TLK2: variants seen among roughly 807,000 people sequenced by gnomAD.
TLK2 encodes the protein serine/threonine-protein kinase tousled-like 2.
Under a neutral mutation model 117.3 loss-of-function variants are expected in TLK2, and 6 were observed. The observed-to-expected ratio is 0.05, with a 90% CI of 0.03 to 0.10. The LOEUF (loss-of-function observed/expected upper bound fraction) is 0.10, where lower values mean the gene tolerates loss of function less well. Ranked by LOEUF, TLK2 falls within the 10% of genes least tolerant of loss-of-function variation. TLK2 has a pLI of 1.00. For missense variants in TLK2, 299 were observed against 901.2 expected (o/e 0.33, Z 8.56); for synonymous variants, 257 against 316.7 (o/e 0.81, Z 2.00).
intron 16 of TLK2, among the ~76,000 whole-genome samples, chr17:62,592,016 G>A (rs944057835): frequency 6.6e-6 from 1 of 150,856 alleles, no homozygotes; most frequent in Non-Finnish European, 1.5e-5. Context: ...GTGCAATGGC[G>A]CAATCTCAGC....
chr17:62,584,226 C>A (rs1440971861), intron 15 of TLK2, among the ~76,000 whole-genome samples: 2 of 147,398 alleles, frequency 1.4e-5, no homozygotes, highest in Non-Finnish European at 3.0e-5. Context: ...ACGCCATTCT[C>A]CTGCCTCAGC....
At chr17:62,600,923 C>A in intron 18 of TLK2, 103 bp downstream of exon 18, 1 of 1,174,862 alleles carries the variant, frequency 8.5e-7, no homozygotes, top group Non-Finnish European at 1.2e-6. Context: ...CCAAGAAAGG[C>A]TAATAACATC....
At chr17:62,475,826 AT>A (rs1189617106), upstream of TLK2, among the ~76,000 whole-genome samples, 1 of 145,552 alleles carries the variant, frequency 6.9e-6, no homozygotes, top group African/African-American at 2.6e-5. Flanking sequence ...CGCCTGGCTA[AT>A]TTTTTTGTAT....
chr17:62,594,667 A>G (rs2082324160), intron 16 of TLK2, among the ~76,000 whole-genome samples: 1 of 152,218 alleles, frequency 6.6e-6, no homozygotes, highest in African/African-American at 2.4e-5. Context: ...TTTAATAGAA[A>G]CAAGGTAACA....
intron 11 of TLK2, among the ~76,000 whole-genome samples, chr17:62,570,613 A>G (rs1412053245): frequency 6.6e-6 from 1 of 152,208 alleles, no homozygotes; most frequent in Non-Finnish European, 1.5e-5. Flanking sequence ...TTTCAGGAAC[A>G]TCAAGAATTG....
chr17:62,510,964 A>G (rs1240460498), intron 2 of TLK2, among the ~76,000 whole-genome samples: 1 of 152,160 alleles, frequency 6.6e-6, no homozygotes, highest in African/African-American at 2.4e-5. Flanking sequence ...ACTTTAGAAA[A>G]ATCTTTTTTA....
At chr17:62,559,120 C>T (rs749216794) in intron 9 of TLK2, among the ~76,000 whole-genome samples, 1 of 152,146 alleles carries the variant, frequency 6.6e-6, no homozygotes, top group Non-Finnish European at 1.5e-5. Context: ...TTTTAGTCCA[C>T]ACTGTAGGCT....
At chr17:62,581,847 G>A (rs2081245265) in intron 15 of TLK2, among the ~76,000 whole-genome samples, 1 of 152,132 alleles carries the variant, frequency 6.6e-6, no homozygotes, top group Non-Finnish European at 1.5e-5. Flanking sequence ...AATTATTCTA[G>A]CTACTTAGAT....
chr17:62,516,518 G>T, intron 2 of TLK2: 8 of 1,608,404 alleles, frequency 5.0e-6, no homozygotes, highest in Non-Finnish European at 5.9e-6. Context: ...GGGGGCAGAT[G>T]AAGGTAATCA....
intron 9 of TLK2, among the ~76,000 whole-genome samples, chr17:62,559,185 A>G (rs2079069258): frequency 6.6e-6 from 1 of 152,098 alleles, no homozygotes; most frequent in Admixed American, 6.6e-5. Context: ...TTGAACCAGG[A>G]CGTTGTTTGT....
intron 7 of TLK2, among the ~76,000 whole-genome samples, chr17:62,540,104 T>C (rs566197618): frequency 2.1e-4 from 31 of 147,046 alleles, no homozygotes; most frequent in South Asian, 6.4e-4. Context: ...CTTTTCTTTT[T>C]TTTTTTTTTT....
intron 2 of TLK2, among the ~76,000 whole-genome samples, chr17:62,489,777 C>T (rs1043616531): frequency 3.9e-5 from 6 of 152,158 alleles, no homozygotes; most frequent in African/African-American, 9.7e-5. Flanking sequence ...ATTGATGATA[C>T]GTTATTAACT....
chr17:62,527,342 G>A (rs1488141835), intron 6 of TLK2, among the ~76,000 whole-genome samples: 3 of 151,818 alleles, frequency 2.0e-5, no homozygotes, highest in African/African-American at 7.3e-5. Flanking sequence ...AAATTTTTTT[G>A]TTGATTCATA....
At chr17:62,602,003 G>A (rs1568005921) in intron 18 of TLK2, 39 bp from the exon 19 acceptor site, 3 of 1,583,202 alleles carry the variant, frequency 1.9e-6, no homozygotes, top group Non-Finnish European at 1.7e-6. Context: ...TCTTAAATCA[G>A]TAAGTCTCTG....
At chr17:62,607,260 C>T (rs927127618) in intron 20 of TLK2, among the ~76,000 whole-genome samples, 9 of 151,706 alleles carry the variant, frequency 5.9e-5, no homozygotes, top group Non-Finnish European at 4.4e-5. Flanking sequence ...TGGCTCACAC[C>T]TGTAATCCCA....
At chr17:62,599,194 A>G (rs1327445492) in intron 17 of TLK2, among the ~76,000 whole-genome samples, 1 of 152,184 alleles carries the variant, frequency 6.6e-6, no homozygotes, top group African/African-American at 2.4e-5. Context: ...TGATCCACCC[A>G]TCTCTGCCTC....
chr17:62,595,205 C>G (rs1420031113), intron 16 of TLK2, among the ~76,000 whole-genome samples: 1 of 151,792 alleles, frequency 6.6e-6, no homozygotes, highest in Non-Finnish European at 1.5e-5. Flanking sequence ...TCAGGTGATC[C>G]AGCGACCTCA....
Position 62,586,130 on chromosome 17 carries a change from T to C in TLK2, c.1369-5T>C. 6.2e-7 allele frequency: 1 copy of C among 1,609,104 alleles called. No homozygotes were observed. Among genetic ancestry groups the C allele is most frequent in the Non-Finnish European group, 8.5e-7 (1 of 1,177,146 alleles). On this transcript the variant is annotated splice_region_variant and splice_polypyrimidine_tract_variant and intron_variant, in intron 15 of 21. Transcript: ENST00000346027. Reference sequence around the variant, plus strand: ...TACCCAGTATATAATTTATTCTCTTTATAGGCATTTGATCTAACAGAGCAA... The same window carrying C: ...TACCCAGTATATAATTTATTCTCTTCATAGGCATTTGATCTAACAGAGCAA...
chr17:62,502,627 CAT>C (rs2074300590), intron 2 of TLK2, among the ~76,000 whole-genome samples: 1 of 152,134 alleles, frequency 6.6e-6, no homozygotes, highest in African/African-American at 2.4e-5. Context: ...TGATTGTACA[CAT>C]AGCCTTAAGC....
Sources: allele counts gnomAD v4.1 joint callset (sites outside exome capture counted in the v4.1 genomes callset), GRCh38; gene constraint gnomAD v4.1.1; transcripts MANE v1.5; gene names NCBI Gene and HGNC (gene_info 2026-07-23, HGNC 2026-07-21).